SMOX: variants seen among roughly 807,000 people sequenced by gnomAD.
SMOX encodes the protein flavin containing amine oxidase.
Under a neutral mutation model 51.0 loss-of-function variants are expected in SMOX, and 22 were observed. That is an observed-to-expected ratio of 0.43 (90% CI 0.31 to 0.62). SMOX has a LOEUF of 0.62. SMOX is among the 20% of genes least tolerant of loss of function. The probability of loss-of-function intolerance (pLI) is 0.10; values close to 1 mark genes in which losing one functional copy is unlikely to be tolerated. For missense variants in SMOX, 566 were observed against 777.7 expected, an observed-to-expected ratio of 0.73 and a Z score of 3.24; for synonymous variants, 282 against 307.8, an observed-to-expected ratio of 0.92 and a Z score of 0.88.
Position 4,167,491 on chromosome 20 carries a change from A to G in SMOX, c.-26-7539A>G, listed in dbSNP as rs2122477203. On this transcript the variant is annotated intron_variant, in intron 1 of 6. Transcript: ENST00000305958. This position sits in a 1 kb window ranked among gnomAD's most constrained non-coding sequence, Gnocchi z 4.8. ...CCATTTTACGGATGGGAAAGCTTGA[A>G]GACCAAAGTGAGCCTTTAAATATCA... is the stretch of plus-strand genomic sequence containing the variant. Among the ~76,000 whole-genome samples the G allele has an allele frequency of 6.6e-6, 1 of 152,164 alleles. No homozygotes were observed. The highest frequency in any genetic ancestry group is 1.9e-4 in the East Asian group (1 of 5,190).
chr20:4,160,551 G>A (rs1986258550), intron 1 of SMOX, among the ~76,000 whole-genome samples: 1 of 152,136 alleles, frequency 6.6e-6, no homozygotes. Flanking sequence ...GAGTATTAAA[G>A]GATGCAGTGA....
intron 1 of SMOX, among the ~76,000 whole-genome samples, chr20:4,156,397 C>T (rs1986021432): frequency 1.3e-5 from 2 of 152,152 alleles, no homozygotes; most frequent in Admixed American, 6.5e-5. Flanking sequence ...AAGAAGAGGG[C>T]ACTGCAGAGA....
At chr20:4,155,801 T>C (rs1015234270) in intron 1 of SMOX, among the ~76,000 whole-genome samples, 1 of 151,024 alleles carries the variant, frequency 6.6e-6, no homozygotes, top group Non-Finnish European at 1.5e-5. Flanking sequence ...GGAAGCGGGG[T>C]AGCAGTCACT....
intron 6 of SMOX, among the ~76,000 whole-genome samples, chr20:4,185,020 G>C (rs910874637): frequency 6.6e-6 from 1 of 152,198 alleles, no homozygotes; most frequent in Non-Finnish European, 1.5e-5. Context: ...TGGCAAGAAG[G>C]GAACCCTTGG....
intron 3 of SMOX, among the ~76,000 whole-genome samples, chr20:4,178,129 C>G (rs989087362): frequency 6.6e-6 from 1 of 152,206 alleles, no homozygotes; most frequent in Non-Finnish European, 1.5e-5. Context: ...GTAACCTCTA[C>G]CTCTCTGGTT....
In SMOX at chr20:4,181,968, T is replaced by G; in HGVS notation, c.601T>G (p.Tyr201Asp). The change falls in exon 4 of 7, where the codon TAC (tyrosine) becomes GAC (aspartate). Residue 201 changes from tyrosine to aspartate, a missense_variant. This residue lies in a region of SMOX where 2 missense variants were observed against 17.4 expected (regional missense o/e 0.11). Coordinates refer to ENST00000305958, the MANE Select transcript of SMOX (RefSeq NM_175839.3). This position sits in a 1 kb window ranked among gnomAD's most constrained non-coding sequence, Gnocchi z 5.6. ...KRLKLAMIQQ[Y>D]LKVESCESSS... The stretch of plus-strand genomic sequence containing the variant: ...CCTGAAGCTCGCCATGATCCAGCAG[T>G]ACCTGAAGGTATCTTGAGGAAGACG... 1 of 1,614,024 alleles carries G rather than the reference T, an allele frequency of 6.2e-7. No individual in the cohort carries two copies. The highest frequency in any genetic ancestry group is 8.5e-7 in the Non-Finnish European group (1 of 1,179,970).
chr20:4,165,218 G>T lies in SMOX; in HGVS notation c.-26-9812G>T, dbSNP rs1172428113. On this transcript the variant is annotated intron_variant, in intron 1 of 6. Coordinates refer to ENST00000305958, the MANE Select transcript of SMOX (RefSeq NM_175839.3). ...TAACAGGCACGTGCCACCACACCTG[G>T]CTAATTTTTGTATTTTTAGTAGAGA... 2.0e-5 allele frequency among the ~76,000 whole-genome samples: 3 copies of T among 152,050 alleles called. No individual in the cohort carries two copies. The East Asian group carries it at 5.8e-4, about 29-fold the overall frequency.
At chr20:4,186,973 G>A in intron 6 of SMOX, 1 of 607,972 alleles carries the variant, frequency 1.6e-6, no homozygotes, top group Non-Finnish European at 3.0e-6. Context: ...AGAAAAGCAA[G>A]GCTTAGGGAG....
chr20:4,159,556 T>C (rs1356011605), intron 1 of SMOX, among the ~76,000 whole-genome samples: 2 of 152,210 alleles, frequency 1.3e-5, no homozygotes, highest in African/African-American at 4.8e-5. Flanking sequence ...GATGTGAGGA[T>C]TGAGGTATTC....
intron 1 of SMOX, among the ~76,000 whole-genome samples, chr20:4,155,017 G>A (rs546307701): frequency 9.9e-5 from 15 of 152,124 alleles, no homozygotes; most frequent in African/African-American, 3.6e-4. Context: ...TGACTGTAAG[G>A]AGCTCCCAAG....
At chr20:4,162,228 A>T (rs1167936943) in intron 1 of SMOX, among the ~76,000 whole-genome samples, 1 of 152,034 alleles carries the variant, frequency 6.6e-6, no homozygotes, top group African/African-American at 2.4e-5. Context: ...CTGACGCTGG[A>T]AGGCTTCCCC....
rs572116320 is a variant in SMOX, at chr20:4,150,502, C to T, written c.-27+1525C>T. 3.5e-4 allele frequency among the ~76,000 whole-genome samples: 54 copies of T among 152,352 alleles called. 3 individuals are homozygous for T. In the South Asian group the frequency reaches 8.7e-3, roughly 25 times the overall value. On this transcript the variant is annotated intron_variant, in intron 1 of 6. Coordinates refer to ENST00000305958, the MANE Select transcript of SMOX (RefSeq NM_175839.3). ...GACTTCTTTTCAGACAGCTCCTTCA[C>T]TCAGCTCCAAATGTTGGAGGGCCCC...
At chr20:4,178,558 CAAAGT>C (rs1437457904) in intron 3 of SMOX, among the ~76,000 whole-genome samples, 3 of 152,106 alleles carry the variant, frequency 2.0e-5, no homozygotes, top group Admixed American at 2.0e-4. Flanking sequence ...ACCGAACAAG[CAAAGT>C]AATGTGTAGG....
chr20:4,186,429 C>CCTAG (rs903277683), intron 6 of SMOX, among the ~76,000 whole-genome samples: 1 of 152,186 alleles, frequency 6.6e-6, no homozygotes, highest in African/African-American at 2.4e-5. Context: ...TTGTACCTTG[C>CCTAG]CTAGACCTCA....
intron 1 of SMOX, among the ~76,000 whole-genome samples, chr20:4,154,060 T>C (rs1031518896): frequency 6.6e-6 from 1 of 152,078 alleles, no homozygotes; most frequent in Non-Finnish European, 1.5e-5. Flanking sequence ...TTGGGAGGGT[T>C]CTGAAATCTT....
chr20:4,184,087 C>T (rs1390975396), intron 6 of SMOX, among the ~76,000 whole-genome samples: 1 of 151,788 alleles, frequency 6.6e-6, no homozygotes, highest in African/African-American at 2.4e-5. Flanking sequence ...TCAAGTGATC[C>T]TCCCACCTCA....
chr20:4,182,529 C>G lies in SMOX; in HGVS notation c.1050C>G (p.Pro350=), dbSNP rs764539035. ...CCAGTTTCTTCCGGCCAGGCCTGCC[C>G]ACAGAGAAGGTGGCTGCCATCCACC... ...QYTSFFRPGL[P]TEKVAAIHRL... Residue 350 remains proline, a synonymous_variant, in exon 5 of 7, where the codon CCC becomes CCG. Coordinates refer to ENST00000305958, the MANE Select transcript of SMOX (RefSeq NM_175839.3). The surrounding 1 kb of genome is among the most constrained non-coding windows in gnomAD (Gnocchi z 8.4). 1 of 1,612,872 alleles carries G rather than the reference C, an allele frequency of 6.2e-7. No individual in the cohort carries two copies. Among genetic ancestry groups the G allele is most frequent in the East Asian group, 2.2e-5 (1 of 44,848 alleles).
intron 1 of SMOX, among the ~76,000 whole-genome samples, chr20:4,156,423 C>T (rs62212575): frequency 0.022 from 3,320 of 152,188 alleles, 44 homozygotes; most frequent in Middle Eastern, 0.048. Flanking sequence ...ATGCCAGGCT[C>T]CCCTCTGAGG....
chr20:4,163,647 C>T (rs1264195679), intron 1 of SMOX, among the ~76,000 whole-genome samples: 1 of 152,164 alleles, frequency 6.6e-6, no homozygotes, highest in African/African-American at 2.4e-5. Context: ...AGTGAGGTTG[C>T]AGTCACAGTG....
Sources: allele counts gnomAD v4.1 joint callset (sites outside exome capture counted in the v4.1 genomes callset), GRCh38; gene constraint gnomAD v4.1.1; regional missense constraint gnomAD v4.1.1; non-coding constraint Gnocchi (gnomAD v3.1); transcripts MANE v1.5; gene names NCBI Gene and HGNC (gene_info 2026-07-23, HGNC 2026-07-21).